NYAP2: variants seen among roughly 807,000 people sequenced by gnomAD.
The protein encoded by NYAP2 is neuronal tyrosine-phosphorylated phosphoinositide-3-kinase adapter 2.
NYAP2 carries 23 observed loss-of-function variants against 50.4 expected under a neutral mutation model. The observed-to-expected ratio is 0.46, with a 90% confidence interval of 0.33 to 0.65. The LOEUF is 0.65. Among genes scored for constraint, NYAP2 ranks in the 30% least tolerant of loss-of-function variants. The probability of loss-of-function intolerance (pLI) is 0.02; values close to 1 mark genes in which losing one functional copy is unlikely to be tolerated. For missense variants in NYAP2, 885 were observed against 861.0 expected, an observed-to-expected ratio of 1.03 and a Z score of -0.35; for synonymous variants, 394 against 365.2, an observed-to-expected ratio of 1.08 and a Z score of -0.90.
intron 4 of NYAP2, among the ~76,000 whole-genome samples, chr2:225,575,567 A>G (rs1450470120): frequency 6.6e-6 from 1 of 152,150 alleles, no homozygotes; most frequent in Non-Finnish European, 1.5e-5. Context: ...CATTTTCATT[A>G]TTGATTCCAT....
intron 4 of NYAP2, among the ~76,000 whole-genome samples, chr2:225,581,055 T>C: frequency 6.6e-6 from 1 of 152,246 alleles, no homozygotes; most frequent in East Asian, 1.9e-4. Context: ...TTCCGTGCTA[T>C]TGTATGATGT....
chr2:225,589,516 AATATAT>A (rs71062993), intron 5 of NYAP2, among the ~76,000 whole-genome samples: 55 of 71,340 alleles, frequency 7.7e-4, no homozygotes, highest in East Asian at 5.9e-3. Context: ...CTAAAAGTAA[AATATAT>A]ATATATATAT....
At chr2:225,490,745 A>G (rs184017175) in intron 3 of NYAP2, among the ~76,000 whole-genome samples, 26 of 152,340 alleles carry the variant, frequency 1.7e-4, no homozygotes, top group African/African-American at 5.3e-4. Context: ...ATCAATGTAA[A>G]TTAAAACTTA....
At chr2:225,565,891 T>TA (rs1178902370) in intron 4 of NYAP2, among the ~76,000 whole-genome samples, 2 of 148,466 alleles carry the variant, frequency 1.3e-5, no homozygotes, top group African/African-American at 2.6e-5. Context: ...GGTAGTGTTT[T>TA]AAAAAACGGT....
At chr2:225,592,132 A>G (rs1181063310) in intron 5 of NYAP2, among the ~76,000 whole-genome samples, 1 of 152,168 alleles carries the variant, frequency 6.6e-6, no homozygotes, top group East Asian at 1.9e-4. Flanking sequence ...CTAAAAAGAT[A>G]TGGGTACTCA....
chr2:225,511,566 G>T (rs934046222), intron 3 of NYAP2, among the ~76,000 whole-genome samples: 1 of 152,078 alleles, frequency 6.6e-6, no homozygotes, highest in Non-Finnish European at 1.5e-5. Flanking sequence ...CTTAGTGTCT[G>T]AGTATCAGTT....
intron 3 of NYAP2, among the ~76,000 whole-genome samples, chr2:225,442,139 G>A (rs1180373585): frequency 6.6e-6 from 1 of 152,158 alleles, no homozygotes; most frequent in African/African-American, 2.4e-5. Context: ...TAATCAGCAG[G>A]TCTTGACTTC....
intron 3 of NYAP2, among the ~76,000 whole-genome samples, chr2:225,503,932 C>G (rs138721898): frequency 1.3e-5 from 2 of 151,850 alleles, no homozygotes; most frequent in Admixed American, 1.3e-4. Flanking sequence ...ACTGTTGAAG[C>G]CCTCTTACAA....
chr2:225,591,039 G>C (rs1692492712), intron 5 of NYAP2, among the ~76,000 whole-genome samples: 1 of 152,178 alleles, frequency 6.6e-6, no homozygotes, highest in South Asian at 2.1e-4. Context: ...CCTAAGACTG[G>C]CTGGCAGCAG....
the NYAP2 span, among the ~76,000 whole-genome samples, chr2:225,693,017 C>T: frequency 2.0e-5 from 3 of 152,022 alleles, no homozygotes; most frequent in African/African-American, 7.2e-5. Flanking sequence ...CATTGTTTCT[C>T]CCATTGTTAA....
At chr2:225,589,998 C>T (rs1371046174) in intron 5 of NYAP2, among the ~76,000 whole-genome samples, 2 of 152,260 alleles carry the variant, frequency 1.3e-5, no homozygotes, top group Non-Finnish European at 2.9e-5. Context: ...GATTCGGAAC[C>T]TCTTGTACTC....
chr2:225,504,865 G>A (rs771945144), intron 3 of NYAP2, among the ~76,000 whole-genome samples: 2 of 152,010 alleles, frequency 1.3e-5, no homozygotes, highest in Non-Finnish European at 2.9e-5. Flanking sequence ...AAAATTAGCT[G>A]GGTATGGTGG....
intron 4 of NYAP2, among the ~76,000 whole-genome samples, chr2:225,518,235 T>G (rs12466468): frequency 3.3e-5 from 5 of 151,492 alleles, no homozygotes; most frequent in African/African-American, 4.8e-5. Context: ...GAAGACATTA[T>G]GTAAAATGAA....
intron 4 of NYAP2, among the ~76,000 whole-genome samples, chr2:225,524,741 A>G (rs913344446): frequency 3.3e-5 from 5 of 152,190 alleles, no homozygotes; most frequent in African/African-American, 1.2e-4. Flanking sequence ...ACAAAACTAG[A>G]CAAATGGGAC....
At chr2:225,483,389 T>A (rs1690239595) in intron 3 of NYAP2, among the ~76,000 whole-genome samples, 1 of 152,168 alleles carries the variant, frequency 6.6e-6, no homozygotes, top group Admixed American at 6.5e-5. Context: ...AATATGGTAA[T>A]CCATCACCAT....
intron 6 of NYAP2, among the ~76,000 whole-genome samples, chr2:225,640,299 T>A (rs368944149): frequency 3.2e-4 from 48 of 152,212 alleles, no homozygotes; most frequent in African/African-American, 1.1e-3. Flanking sequence ...TCTATAAAAA[T>A]TAATTATTGA....
chr2:225,582,097 C>T lies in NYAP2; in HGVS notation c.680C>T (p.Ser227Phe). Residue 227 changes from serine to phenylalanine, a missense_variant, in exon 5 of 7, where the codon TCC (serine) becomes TTC (phenylalanine). Physicochemically the swap from Ser to Phe is radical, Grantham distance 155. Coordinates refer to ENST00000636099, the Ensembl canonical transcript of NYAP2. This position sits in a 1 kb window ranked among gnomAD's most constrained non-coding sequence, Gnocchi z 7.0. Reference sequence around the variant, plus strand: ...AGGACGTCGCTGCCGCGGGACTCCTCCTTGTCCCAGATGGGCAGCCCCGCG... The same window carrying T: ...AGGACGTCGCTGCCGCGGGACTCCTTCTTGTCCCAGATGGGCAGCCCCGCG... 6.2e-7 allele frequency: 1 copy of T among 1,614,038 alleles called. No homozygotes were observed.
chr2:225,425,711 G>T (rs568272952), intron 3 of NYAP2, among the ~76,000 whole-genome samples: 1 of 152,308 alleles, frequency 6.6e-6, no homozygotes, highest in Admixed American at 6.5e-5. Flanking sequence ...TAATCGAAGA[G>T]AAATAAATAT....
intron 3 of NYAP2, among the ~76,000 whole-genome samples, chr2:225,493,586 GT>G (rs1690448335): frequency 1.3e-5 from 2 of 152,142 alleles, no homozygotes. Context: ...TACTGCCTTG[GT>G]TTGAGTCACC....
Sources: allele counts gnomAD v4.1 joint callset (sites outside exome capture counted in the v4.1 genomes callset), GRCh38; gene constraint gnomAD v4.1.1; non-coding constraint Gnocchi (gnomAD v3.1); transcripts MANE v1.5; gene names NCBI Gene and HGNC (gene_info 2026-07-23, HGNC 2026-07-21).